The following CLUH variants were observed in gnomAD, a reference collection of about 807,000 sequenced individuals.
CLUH encodes the protein CLUH binding protein of NUMT mRNA.
In CLUH, 77 loss-of-function variants were observed where a neutral mutation model predicts 139.3. That is an observed-to-expected ratio of 0.55 (90% CI 0.46 to 0.67). The LOEUF (loss-of-function observed/expected upper bound fraction) is 0.67, where lower values mean the gene tolerates loss of function less well. CLUH is among the 30% of genes least tolerant of loss of function. The pLI, the probability that CLUH is intolerant of heterozygous loss-of-function variation, is 0.00. For synonymous variants in CLUH, 999 were observed against 801.6 expected (o/e 1.25, Z -4.16); for missense variants, 1,876 against 1,875.8 (o/e 1.00, Z 0.00).
rs779099805 is a variant in CLUH, at chr17:2,696,902, G to C, written c.2002C>G (p.Gln668Glu). The change falls in exon 11 of 26, where the codon CAG becomes GAG. Residue 668 changes from glutamine (Q) to glutamate (E), a missense_variant. This residue lies in a region of CLUH where 1,454 missense variants were observed against 1,384.4 expected (regional missense o/e 1.05). Coordinates refer to ENST00000651024, the MANE Select transcript of CLUH (RefSeq NM_001366661.1). ...GTCTCCAGCTGGCTGGCGTTCTGCTGCATCAGCTGCAAGGCGGCCAGCTTC... is the reference window on the plus strand; with the variant it reads ...GTCTCCAGCTGGCTGGCGTTCTGCTCCATCAGCTGCAAGGCGGCCAGCTTC... Reference protein sequence around the residue: ...FMKLAALQLMQQNASQLETPS... With the variant: ...FMKLAALQLMEQNASQLETPS... 19 of 1,608,738 alleles carry C rather than the reference G, an allele frequency of 1.2e-5. No individual in the cohort carries two copies. The highest frequency in any genetic ancestry group is 1.1e-5 in the South Asian group (1 of 90,210).
Position 2,698,275 on chromosome 17 carries a change from C to T in CLUH, c.1582G>A (p.Gly528Ser), listed in dbSNP as rs938041772. ...YRVTAQSIIP[G>S]ILERDQEQSV... ...TGCTCCTGGTCCCGCTCCAGGATGC[C>T]GGGGATGATGGACTGGGCCGTGACC... The change falls in exon 10 of 26, where the codon GGC becomes AGC. Residue 528 changes from glycine (G) to serine (S), a missense_variant. By Grantham distance (56) the Gly-to-Ser change is moderately conservative (BLOSUM62 0). Transcript: ENST00000651024. The T allele has an allele frequency of 3.1e-6, 5 of 1,610,640 alleles. No individual in the cohort carries two copies. The highest frequency in any genetic ancestry group is 4.2e-6 in the Non-Finnish European group (5 of 1,178,936).
Position 2,701,456 on chromosome 17 carries a change from A to G in CLUH, c.809T>C (p.Met270Thr). The part of the protein sequence containing the change: ...GWNPPPGNRK[M>T]HGDLMYLFVI... ...AAACAGGTACATGAGGTCCCCGTGC[A>G]TCTTCCGGTTCCCCGGGGGCGGGTT... The change falls in exon 6 of 26, where the codon ATG (methionine) becomes ACG (threonine). Residue 270 changes from methionine (M) to threonine (T), a missense_variant. By Grantham distance (81) the Met-to-Thr change is moderately conservative (BLOSUM62 -1). Transcript: ENST00000651024. 3 of 1,613,764 alleles carry G rather than the reference A, an allele frequency of 1.9e-6. No homozygotes were observed. Among genetic ancestry groups the G allele is most frequent in the Non-Finnish European group, 2.5e-6 (3 of 1,179,830 alleles).
chr17:2,692,973 C>T (rs889238581), intron 19 of CLUH, 113 bp from the exon 20 acceptor site: 18 of 1,054,784 alleles, frequency 1.7e-5, no homozygotes, highest in Middle Eastern at 3.0e-4. Context: ...CTGTCCCCTC[C>T]GGCTGCGCCC....
In CLUH at chr17:2,700,672, A is replaced by G. The variant is rs201476194; in HGVS notation, c.1173+6T>C. Reference sequence around the variant, plus strand: ...CCCAGCGAGGGCAGGGCCAGGTTGCAGGCACCTGTCCAGGAATGTGCTCCT... The same window carrying G: ...CCCAGCGAGGGCAGGGCCAGGTTGCGGGCACCTGTCCAGGAATGTGCTCCT... On this transcript the variant is annotated splice_donor_region_variant and intron_variant, in intron 8 of 25. Transcript: ENST00000651024. 79 of 1,519,620 alleles carry G rather than the reference A, an allele frequency of 5.2e-5. No individual in the cohort carries two copies. Among genetic ancestry groups the G allele is most frequent in the Non-Finnish European group, 6.9e-5 (79 of 1,137,520 alleles). The allele number at this position is 1,519,620 out of a possible 1,614,324, so 94.1% of individuals were successfully genotyped here.
intron 16 of CLUH, 36 bp downstream of exon 16, chr17:2,694,821 A>C: frequency 2.1e-6 from 3 of 1,446,302 alleles, no homozygotes; most frequent in Non-Finnish European, 9.2e-7. Flanking sequence ...CATCTGCCCA[A>C]TCCCACCCAC....
chr17:2,701,738 C>G lies in CLUH; in HGVS notation c.620-1G>C. On this transcript the variant is annotated splice_acceptor_variant, in intron 4 of 25. Coordinates refer to ENST00000651024, the MANE Select transcript of CLUH (RefSeq NM_001366661.1). LOFTEE classifies it high-confidence loss of function. ...AAGCCCTTCTTCCGCTTCCCGCTGT[C>G]TGAGGGACCCGAGGCTGGTGGTCAG... 6.4e-7 allele frequency: 1 copy of G among 1,561,260 alleles called. No homozygotes were observed. The highest frequency in any genetic ancestry group is 2.3e-5 in the East Asian group (1 of 44,270).
At chr17:2,710,601 G>A (rs2151728885) in intron 1 of CLUH, among the ~76,000 whole-genome samples, 1 of 152,312 alleles carries the variant, frequency 6.6e-6, no homozygotes, top group East Asian at 1.9e-4. Context: ...TGAGGAAGAT[G>A]ACGACTGAGG....
rs754543242 is a variant in CLUH, at chr17:2,698,122, C to A, written c.1735G>T (p.Glu579Ter). The A allele has an allele frequency of 6.3e-7, 1 of 1,592,844 alleles. No homozygotes were observed. Among genetic ancestry groups the A allele is most frequent in the East Asian group, 2.3e-5 (1 of 43,620 alleles). The change falls in exon 10 of 26, where the codon GAG (glutamate) becomes TAG (stop). Residue 579 changes from glutamate to a stop codon, truncating the protein, a stop_gained. Coordinates refer to ENST00000651024, the MANE Select transcript of CLUH (RefSeq NM_001366661.1). LOFTEE classifies it high-confidence loss of function. ...LRHQVLNDRD[E>*]EVELCSSVEC... The stretch of plus-strand genomic sequence containing the variant: ...ACCGAGGAGCAGAGCTCCACCTCCT[C>A]GTCACGGTCGTTGAGCACCTGGTGC...
At chr17:2,697,860 T>TG in intron 10 of CLUH, 36 bp downstream of exon 10, 1 of 1,444,806 alleles carries the variant, frequency 6.9e-7, no homozygotes, top group Admixed American at 2.7e-5. Context: ...TCCCTGCAGC[T>TG]GGCCCCGGCC....
chr17:2,692,562 A>C lies in CLUH; in HGVS notation c.3438+9T>G. Reference sequence around the variant, plus strand: ...TGGGTCCCTGCCGCCCCCCCGCCCCAGCACTCACGTCCAGCAGCGCCATCT... The same window carrying C: ...TGGGTCCCTGCCGCCCCCCCGCCCCCGCACTCACGTCCAGCAGCGCCATCT... On this transcript the variant is annotated intron_variant, in intron 21 of 25. Coordinates refer to ENST00000651024, the MANE Select transcript of CLUH (RefSeq NM_001366661.1). 6.2e-7 allele frequency: 1 copy of C among 1,609,466 alleles called. No homozygotes were observed. Among genetic ancestry groups the C allele is most frequent in the Non-Finnish European group, 8.5e-7 (1 of 1,178,680 alleles).
At chr17:2,709,326 G>C (rs1004476241) in intron 1 of CLUH, among the ~76,000 whole-genome samples, 1 of 152,178 alleles carries the variant, frequency 6.6e-6, no homozygotes, top group African/African-American at 2.4e-5. Context: ...AATGGGGCGG[G>C]CAGGCGGCCT....
At chr17:2,698,861 T>C (rs2070072927) in intron 9 of CLUH, among the ~76,000 whole-genome samples, 2 of 152,066 alleles carry the variant, frequency 1.3e-5, no homozygotes, top group Admixed American at 1.3e-4. Flanking sequence ...CTGACCAATA[T>C]GGTGAAACCC....
rs778525016 is a variant in CLUH, at chr17:2,700,364, A to G, written c.1266+18T>C. 3 of 1,606,472 alleles carry G rather than the reference A, an allele frequency of 1.9e-6. No homozygotes were observed. Among genetic ancestry groups the G allele is most frequent in the Non-Finnish European group, 1.7e-6 (2 of 1,176,140 alleles). ...GACAGCGGGCCTCAGACTGCCGGTC[A>G]GCAGAGGCTGCAGGCACCTTGAATA... On this transcript the variant is annotated intron_variant, in intron 9 of 25. Transcript: ENST00000651024.
Position 2,701,353 on chromosome 17 carries a change from G to C in CLUH, c.899+13C>G. 1 of 1,605,488 alleles carries C rather than the reference G, an allele frequency of 6.2e-7. No individual in the cohort carries two copies. Among genetic ancestry groups the C allele is most frequent in the Non-Finnish European group, 8.5e-7 (1 of 1,176,508 alleles). On this transcript the variant is annotated intron_variant, in intron 6 of 25. Transcript: ENST00000651024. ...GCACGGCAGGGGGGTGTGGTGGGCT[G>C]GCAGGGACTCACTGATTCAGGTAAA...
At chr17:2,697,868 G>C (rs755399189) in intron 10 of CLUH, 28 bp downstream of exon 10, 11 of 1,453,092 alleles carry the variant, frequency 7.6e-6, no homozygotes, top group Non-Finnish European at 9.9e-6. Context: ...GCTGGCCCCG[G>C]CCCTGGTCCG....
In CLUH at chr17:2,703,534, CG is replaced by C; in HGVS notation, c.304-46del. 1 of 1,591,494 alleles carries C rather than the reference CG, an allele frequency of 6.3e-7. No homozygotes were observed. The highest frequency in any genetic ancestry group is 8.6e-7 in the Non-Finnish European group (1 of 1,166,514). ...CCCACCCCGGTGAGAGAGCACGTAG[CG>C]GGGAGAGAAGGCCCCAACCGCCCCG... On this transcript the variant is annotated intron_variant, in intron 2 of 25. Transcript: ENST00000651024. The surrounding 1 kb of genome is among the most constrained non-coding windows in gnomAD (Gnocchi z 4.2).
In CLUH at chr17:2,692,067, G is replaced by A. The variant is rs755468364; in HGVS notation, c.3591C>T (p.Ser1197=). ...SHHLVARVYE[S]KAEFRSALQH... ...GCAGGGCCGACCGGAACTCAGCTTT[G>A]CTCTCGTAGACTCGGGCGACAAGGT... is the stretch of plus-strand genomic sequence containing the variant. Residue 1197 remains serine, a synonymous_variant, in exon 23 of 26, where the codon AGC becomes AGT. Transcript: ENST00000651024. 1.9e-6 allele frequency: 3 copies of A among 1,604,840 alleles called. No homozygotes were observed. The highest frequency in any genetic ancestry group is 2.6e-6 in the Non-Finnish European group (3 of 1,176,440).
Position 2,690,446 on chromosome 17 carries a change from G to T in CLUH, c.*148C>A. 1.6e-6 allele frequency: 1 copy of T among 632,704 alleles called. No individual in the cohort carries two copies. Among genetic ancestry groups the T allele is most frequent in the Non-Finnish European group, 2.4e-6 (1 of 417,776 alleles). The allele number at this position is 632,704 out of a possible 1,614,324, so 39.2% of individuals were successfully genotyped here. ...ACCTTCTGCGGGGCAGGCAGGCCAG[G>T]CTCCCAGGAGGACACGGGGGTGGGG... On this transcript the variant is annotated 3_prime_UTR_variant, in exon 26 of 26. Transcript: ENST00000651024.
chr17:2,691,962 C>T (rs1010387081), intron 23 of CLUH, 42 bp downstream of exon 23: 3 of 672,656 alleles, frequency 4.5e-6, no homozygotes, highest in Non-Finnish European at 5.4e-6. Flanking sequence ...CCCCGCCACG[C>T]CCCCGCCCCG....
Sources: allele counts gnomAD v4.1 joint callset (sites outside exome capture counted in the v4.1 genomes callset), GRCh38; gene constraint gnomAD v4.1.1; regional missense constraint gnomAD v4.1.1; non-coding constraint Gnocchi (gnomAD v3.1); transcripts MANE v1.5; gene names NCBI Gene and HGNC (gene_info 2026-07-23, HGNC 2026-07-21).